The following CEP85L variants were observed in gnomAD, a reference collection of about 807,000 sequenced individuals.
CEP85L encodes the protein centrosomal protein 85L.
CEP85L carries 60 observed loss-of-function variants against 100.3 expected under a neutral mutation model. The ratio of observed to expected loss-of-function variants is 0.60; its 90% CI spans 0.49 to 0.74. The LOEUF (loss-of-function observed/expected upper bound fraction) is 0.74, where lower values mean the gene tolerates loss of function less well. Among genes scored for constraint, CEP85L ranks in the 30% least tolerant of loss-of-function variants. The pLI is 0.00. For synonymous variants in CEP85L, 319 were observed against 322.7 expected, an observed-to-expected ratio of 0.99 and a Z score of 0.12; for missense variants, 973 against 936.2, an observed-to-expected ratio of 1.04 and a Z score of -0.51.
In CEP85L at chr6:118,483,874, T is replaced by TA; in HGVS notation, c.1438-17dup. On this transcript the variant is annotated splice_polypyrimidine_tract_variant and intron_variant, in intron 6 of 12. Transcript: ENST00000368491. The stretch of plus-strand genomic sequence containing the variant: ...TAGTTTTAAGCTAAAAGCAAACAAT[T>TA]ATGAACCTTCAGTAGTTTTCAGTCA... The TA allele has an allele frequency of 6.2e-7, 1 of 1,608,646 alleles. No homozygotes were observed. The highest frequency in any genetic ancestry group is 2.2e-5 in the East Asian group (1 of 44,782).
chr6:118,485,375 A>AT (rs1562187836), intron 6 of CEP85L, among the ~76,000 whole-genome samples: 1 of 149,000 alleles, frequency 6.7e-6, no homozygotes, highest in Non-Finnish European at 1.5e-5. Flanking sequence ...GTATTTTCTA[A>AT]TTTTTTTCAG....
At chr6:118,593,017 G>C (rs1232390159) in intron 2 of CEP85L, among the ~76,000 whole-genome samples, 1 of 152,148 alleles carries the variant, frequency 6.6e-6, no homozygotes, top group Non-Finnish European at 1.5e-5. Context: ...ACATTAAGAT[G>C]AGTTGTTTTA....
intron 1 of CEP85L, among the ~76,000 whole-genome samples, chr6:118,674,997 C>A (rs1477128609): frequency 6.6e-6 from 1 of 152,140 alleles, no homozygotes; most frequent in East Asian, 1.9e-4. Flanking sequence ...TACACAATAA[C>A]CTATATACAA....
chr6:118,502,194 G>T, intron 5 of CEP85L: 1 of 879,020 alleles, frequency 1.1e-6, no homozygotes, highest in Non-Finnish European at 1.8e-6. Context: ...TAACTCCAGG[G>T]TTATATTTGA....
intron 3 of CEP85L, among the ~76,000 whole-genome samples, chr6:118,534,591 T>C (rs1338121812): frequency 6.6e-6 from 1 of 152,076 alleles, no homozygotes; most frequent in African/African-American, 2.4e-5. Flanking sequence ...TGGCAGAGGT[T>C]GTATTATTGA....
chr6:118,678,143 A>G (rs2798325), intron 1 of CEP85L, among the ~76,000 whole-genome samples: 102,995 of 152,106 alleles, frequency 0.68, 35,658 homozygotes, highest in Non-Finnish European at 0.76. Context: ...ATCTGTAGAA[A>G]AATGGAGAAG....
At chr6:118,600,369 G>GTGTGTGTGTA (rs1781721218) in intron 2 of CEP85L, among the ~76,000 whole-genome samples, 1 of 122,758 alleles carries the variant, frequency 8.1e-6, no homozygotes, top group Non-Finnish European at 1.7e-5. Flanking sequence ...GTGTGTGTGT[G>GTGTGTGTGTA]TAACGCCATG....
intron 2 of CEP85L, among the ~76,000 whole-genome samples, chr6:118,578,983 C>A (rs1344611326): frequency 6.6e-6 from 1 of 152,110 alleles, no homozygotes; most frequent in Non-Finnish European, 1.5e-5. Flanking sequence ...GTAGCCCCAA[C>A]CTCCCAAGCT....
At chr6:118,647,132 A>G (rs1432981634) in intron 1 of CEP85L, 2 of 865,918 alleles carry the variant, frequency 2.3e-6, no homozygotes, top group Non-Finnish European at 2.8e-6. Context: ...ATTCAGAACC[A>G]CAGCAGAAAA....
chr6:118,523,358 G>T (rs965004969), intron 4 of CEP85L, among the ~76,000 whole-genome samples: 7 of 152,100 alleles, frequency 4.6e-5, no homozygotes, highest in Non-Finnish European at 1.0e-4. Context: ...TTAACTATAA[G>T]TCATTTCATT....
At chr6:118,624,634 T>G (rs566344618) in intron 2 of CEP85L, among the ~76,000 whole-genome samples, 29 of 152,272 alleles carry the variant, frequency 1.9e-4, no homozygotes, top group Admixed American at 6.5e-4. Context: ...CACACCTATA[T>G]GAGAAAGGAA....
intron 10 of CEP85L, among the ~76,000 whole-genome samples, chr6:118,478,984 A>G (rs2114508502): frequency 6.6e-6 from 1 of 152,322 alleles, no homozygotes; most frequent in East Asian, 1.9e-4. Flanking sequence ...GATAACTTGT[A>G]TTAGATTTAC....
intron 1 of CEP85L, among the ~76,000 whole-genome samples, chr6:118,664,028 T>G (rs1776056481): frequency 6.6e-6 from 1 of 151,712 alleles, no homozygotes; most frequent in South Asian, 2.1e-4. Context: ...CCCGAATAGC[T>G]GAGATTACAG....
At chr6:118,537,450 T>G in intron 3 of CEP85L, 1 of 929,500 alleles carries the variant, frequency 1.1e-6, no homozygotes. Context: ...TATGACACAC[T>G]GTTCTCTACC....
In CEP85L at chr6:118,603,430, T is replaced by A. The variant is rs148386233; in HGVS notation, c.232+29023A>T. Among the ~76,000 whole-genome samples, 565 of 152,350 alleles carry A rather than the reference T, an allele frequency of 3.7e-3. 3 individuals are homozygous for A. The highest frequency in any genetic ancestry group is 0.013 in the African/African-American group (539 of 41,576). On this transcript the variant is annotated intron_variant, in intron 2 of 12. Transcript: ENST00000368491. ...ACCAATTTACCCAATTGTGTCCTGT[T>A]ACAAAAGAAAACAGATTCTTACTGC...
intron 2 of CEP85L, among the ~76,000 whole-genome samples, chr6:118,587,600 T>C (rs559300009): frequency 6.6e-6 from 1 of 152,108 alleles, no homozygotes; most frequent in Non-Finnish European, 1.5e-5. Context: ...ACATGGGTCT[T>C]TCCAAACTCC....
chr6:118,587,964 G>A (rs1178482776), intron 2 of CEP85L, among the ~76,000 whole-genome samples: 1 of 152,154 alleles, frequency 6.6e-6, no homozygotes, highest in Non-Finnish European at 1.5e-5. Context: ...TCAAGGAACA[G>A]GGCTACATTT....
At chr6:118,671,054 C>G (rs1776292227) in intron 1 of CEP85L, among the ~76,000 whole-genome samples, 1 of 151,940 alleles carries the variant, frequency 6.6e-6, no homozygotes, top group African/African-American at 2.4e-5. Context: ...CTGTAACTTA[C>G]AGTGTAGTCT....
intron 1 of CEP85L, among the ~76,000 whole-genome samples, chr6:118,659,561 G>A (rs978031471): frequency 2.0e-5 from 3 of 152,184 alleles, no homozygotes; most frequent in Non-Finnish European, 2.9e-5. Context: ...TCTTAAAAAG[G>A]CATACAATTT....
Sources: allele counts gnomAD v4.1 joint callset (sites outside exome capture counted in the v4.1 genomes callset), GRCh38; gene constraint gnomAD v4.1.1; transcripts MANE v1.5; gene names NCBI Gene and HGNC (gene_info 2026-07-23, HGNC 2026-07-21).